Variants in SEMA6A observed in about 807,000 individuals in gnomAD.
SEMA6A encodes semaphorin-6A.
In SEMA6A, 25 loss-of-function variants were observed where a neutral mutation model predicts 96.8. The observed-to-expected ratio is 0.26, with a 90% CI of 0.19 to 0.36. SEMA6A has a LOEUF of 0.36. Among genes scored for constraint, SEMA6A ranks in the 10% least tolerant of loss-of-function variants. The pLI, the probability that SEMA6A is intolerant of heterozygous loss-of-function variation, is 1.00. For synonymous variants in SEMA6A, 612 were observed against 518.0 expected (o/e 1.18, Z -2.46); for missense variants, 1,363 against 1,323.1 (o/e 1.03, Z -0.47).
At chr5:116,498,901 A>T (rs1757740603) in intron 3 of SEMA6A, 1 of 152,172 alleles carries the variant, frequency 6.6e-6, no homozygotes, top group Non-Finnish European at 1.5e-5. Flanking sequence ...ATTAATATGC[A>T]TTGGCAGCTC....
chr5:116,509,711 T>A (rs987024646), intron 1 of SEMA6A, among the ~76,000 whole-genome samples: 1 of 151,540 alleles, frequency 6.6e-6, no homozygotes, highest in African/African-American at 2.4e-5. Context: ...CCTGGAGAGA[T>A]GAGGTAGGGG....
intron 2 of SEMA6A, among the ~76,000 whole-genome samples, chr5:116,502,874 G>C (rs1199896400): frequency 1.3e-5 from 2 of 152,218 alleles, no homozygotes; most frequent in East Asian, 3.9e-4. Context: ...GAGGTTGGTT[G>C]GCATTCTAGG....
At chr5:116,511,544 A>AG (rs1758401699) in intron 1 of SEMA6A, among the ~76,000 whole-genome samples, 3 of 152,332 alleles carry the variant, frequency 2.0e-5, no homozygotes, top group African/African-American at 7.2e-5. Context: ...GCATAAAAGG[A>AG]AACTGCACTT....
intron 6 of SEMA6A, among the ~76,000 whole-genome samples, chr5:116,493,170 T>C (rs769595384): frequency 5.3e-5 from 8 of 152,200 alleles, no homozygotes; most frequent in Non-Finnish European, 1.2e-4. Context: ...ATGGAACATG[T>C]ACAGGAAGAA....
chr5:116,466,000 G>T (rs374226129), intron 18 of SEMA6A, among the ~76,000 whole-genome samples: 1 of 149,166 alleles, frequency 6.7e-6, no homozygotes, highest in Non-Finnish European at 1.5e-5. Flanking sequence ...GAGCTTTCTC[G>T]GGATGGAAAG....
At chr5:116,561,603 A>G (rs371479910) in intron 1 of SEMA6A, among the ~76,000 whole-genome samples, 7 of 152,276 alleles carry the variant, frequency 4.6e-5, no homozygotes, top group African/African-American at 1.7e-4. Flanking sequence ...TTGCATTTCA[A>G]TAACAATGTG....
At position 116,447,118 on chromosome 5, in the gene SEMA6A, C is replaced by G. The variant is rs768788598; in HGVS notation, c.2588G>C (p.Ser863Thr). The change falls in exon 19 of 19, where the codon AGT (serine) becomes ACT (threonine). Residue 863 changes from serine (S) to threonine (T), a missense_variant. Ser to Thr is a moderately conservative substitution (Grantham distance 58, BLOSUM62 1). Coordinates refer to ENST00000343348, the MANE Select transcript of SEMA6A (RefSeq NM_020796.5). ...CACAAGGTTCACCCCATGGTTGGGA[C>G]TCTTGCTGCTGAGATGTTCCTTGAT... ...KTIKEHLSSK[S>T]PNHGVNLVEN... is the part of the protein sequence containing the mutation. 5 of 1,613,840 alleles carry G rather than the reference C, an allele frequency of 3.1e-6. No homozygotes were observed. The highest frequency in any genetic ancestry group is 2.2e-5 in the South Asian group (2 of 91,082).
intron 16 of SEMA6A, among the ~76,000 whole-genome samples, chr5:116,474,889 A>C (rs891429804): frequency 6.6e-6 from 1 of 152,038 alleles, no homozygotes; most frequent in Non-Finnish European, 1.5e-5. Context: ...TATTGATATT[A>C]ATCGGGTCAC....
chr5:116,478,929 A>AGTGT (rs34260068), intron 12 of SEMA6A, among the ~76,000 whole-genome samples: 1,719 of 149,342 alleles, frequency 0.012, 20 homozygotes, highest in South Asian at 0.051. Flanking sequence ...GGTGTGAGAG[A>AGTGT]GTGTGTGTGT....
At chr5:116,559,179 A>G (rs1301942384) in intron 1 of SEMA6A, among the ~76,000 whole-genome samples, 1 of 152,192 alleles carries the variant, frequency 6.6e-6, no homozygotes, top group Non-Finnish European at 1.5e-5. Context: ...ACCAAATGCT[A>G]CAGTTTAAAC....
intron 1 of SEMA6A, among the ~76,000 whole-genome samples, chr5:116,527,770 C>T (rs1208264050): frequency 1.3e-5 from 2 of 152,086 alleles, no homozygotes; most frequent in African/African-American, 2.4e-5. Context: ...CAGTTAGTAA[C>T]GACTTTCAGT....
chr5:116,541,965 T>C (rs779550169), intron 1 of SEMA6A, among the ~76,000 whole-genome samples: 3 of 152,250 alleles, frequency 2.0e-5, no homozygotes, highest in Non-Finnish European at 2.9e-5. Context: ...TGAAGTCTCA[T>C]GTGCAGAAGC....
At chr5:116,466,618 G>A (rs1253426454) in intron 18 of SEMA6A, among the ~76,000 whole-genome samples, 1 of 152,156 alleles carries the variant, frequency 6.6e-6, no homozygotes, top group Non-Finnish European at 1.5e-5. Flanking sequence ...AAGTGAAGAT[G>A]GAGATATGTA....
At chr5:116,478,777 T>G (rs1271548626) in intron 12 of SEMA6A, 59 bp from the exon 13 acceptor site, 1 of 1,532,272 alleles carries the variant, frequency 6.5e-7, no homozygotes, top group Non-Finnish European at 8.9e-7. Context: ...AAGTGTTCCC[T>G]GTTCCACTTC....
chr5:116,467,540 C>T (rs377681453), intron 18 of SEMA6A, 43 bp downstream of exon 18: 14 of 1,561,678 alleles, frequency 9.0e-6, no homozygotes, highest in African/African-American at 1.4e-5. Flanking sequence ...CCCACTTTTC[C>T]CTCCCTCTCC....
chr5:116,540,008 C>T lies in SEMA6A; in HGVS notation c.-39+34177G>A, dbSNP rs1051438744. 3.3e-5 allele frequency among the ~76,000 whole-genome samples: 5 copies of T among 151,920 alleles called. 1 individual carries two copies. The highest frequency in any genetic ancestry group is 3.2e-3 in the Middle Eastern group (1 of 316). On this transcript the variant is annotated intron_variant, in intron 1 of 18. Transcript: ENST00000343348. ...TTTTCTCATCTCACTATTTTCTGTT[C>T]GTTTTCCTTTCATTGCAAGTTCTTT...
intron 1 of SEMA6A, among the ~76,000 whole-genome samples, chr5:116,531,116 T>G (rs1759450837): frequency 6.6e-6 from 1 of 152,096 alleles, no homozygotes; most frequent in Admixed American, 6.6e-5. Flanking sequence ...TTCCCTAATC[T>G]TACCTTCACT....
chr5:116,504,144 A>G (rs1401461658), intron 2 of SEMA6A, among the ~76,000 whole-genome samples: 1 of 152,184 alleles, frequency 6.6e-6, no homozygotes, highest in Non-Finnish European at 1.5e-5. Context: ...CTATGAAAAG[A>G]GATATTTAGG....
At chr5:116,450,059 A>T (rs1754524705) in intron 18 of SEMA6A, among the ~76,000 whole-genome samples, 1 of 152,222 alleles carries the variant, frequency 6.6e-6, no homozygotes, top group African/African-American at 2.4e-5. Flanking sequence ...GCATTTCCTT[A>T]TTATGCTAAA....
Sources: gnomAD v4.1 joint callset for allele counts (sites outside exome capture counted in the v4.1 genomes callset) on GRCh38, gnomAD v4.1.1 for gene constraint, MANE v1.5 for transcripts, NCBI Gene and HGNC (gene_info 2026-07-23, HGNC 2026-07-21) for gene names.